The following ARHGAP32 variants were observed in gnomAD, a reference collection of about 807,000 sequenced individuals.
The protein encoded by ARHGAP32 is Rho GTPase activating protein 32.
A neutral mutation model predicts 186.5 loss-of-function variants in ARHGAP32; 51 were observed. The ratio of observed to expected loss-of-function variants is 0.27; its 90% CI spans 0.22 to 0.35. The LOEUF is 0.35. ARHGAP32 is among the 10% of genes least tolerant of loss of function. The pLI, the probability that ARHGAP32 is intolerant of heterozygous loss-of-function variation, is 1.00. For missense variants in ARHGAP32, 2,186 were observed against 2,623.5 expected (o/e 0.83, Z 3.64); for synonymous variants, 950 against 964.3 (o/e 0.99, Z 0.27).
At chr11:129,227,513 T>C (rs1944802275) in intron 1 of ARHGAP32, among the ~76,000 whole-genome samples, 1 of 150,994 alleles carries the variant, frequency 6.6e-6, no homozygotes, top group Non-Finnish European at 1.5e-5. Context: ...TCCAAATATA[T>C]GCTTTCTACA....
chr11:129,038,933 G>C (rs954223062), intron 11 of ARHGAP32, among the ~76,000 whole-genome samples: 1 of 148,458 alleles, frequency 6.7e-6, no homozygotes, highest in African/African-American at 2.5e-5. Flanking sequence ...ATAAGCAAAG[G>C]ATATGAATAG....
chr11:129,227,075 A>G (rs1944794640), intron 1 of ARHGAP32, among the ~76,000 whole-genome samples: 1 of 152,092 alleles, frequency 6.6e-6, no homozygotes, highest in South Asian at 2.1e-4. Context: ...TAACGGGTAC[A>G]TGATGTATAA....
chr11:129,266,560 G>A (rs1945403364), intron 1 of ARHGAP32, among the ~76,000 whole-genome samples: 1 of 152,114 alleles, frequency 6.6e-6, no homozygotes. Context: ...TGGCACACTG[G>A]TTAGGAAGCT....
At chr11:129,086,647 C>CCA (rs1941408958) in intron 6 of ARHGAP32, among the ~76,000 whole-genome samples, 2 of 152,038 alleles carry the variant, frequency 1.3e-5, no homozygotes, top group Admixed American at 6.5e-5. Flanking sequence ...CGGTGAAACC[C>CCA]TGTCTCTACT....
chr11:129,145,479 C>G (rs1373541051), intron 2 of ARHGAP32, among the ~76,000 whole-genome samples: 9 of 144,848 alleles, frequency 6.2e-5, no homozygotes, highest in Non-Finnish European at 1.2e-4. Flanking sequence ...CAAGTAAGAC[C>G]TAGAAGAACC....
intron 1 of ARHGAP32, among the ~76,000 whole-genome samples, chr11:129,165,482 C>T (rs968899985): frequency 6.7e-5 from 10 of 150,108 alleles, no homozygotes; most frequent in Non-Finnish European, 1.5e-4. Flanking sequence ...ATCAGAAGTA[C>T]GAGAAGAAAA....
chr11:129,268,084 T>G (rs142693979), intron 1 of ARHGAP32, among the ~76,000 whole-genome samples: 244 of 152,154 alleles, frequency 1.6e-3, no homozygotes, highest in Admixed American at 3.9e-3. Context: ...GGGTCAAATA[T>G]CCAAACCATA....
chr11:129,048,709 T>C (rs922226287), intron 10 of ARHGAP32, among the ~76,000 whole-genome samples: 2 of 152,214 alleles, frequency 1.3e-5, no homozygotes, highest in Non-Finnish European at 2.9e-5. Flanking sequence ...AATTGTTTAT[T>C]GTACAGCAAG....
chr11:129,196,071 G>A (rs754801845), upstream of ARHGAP32, among the ~76,000 whole-genome samples: 1 of 152,136 alleles, frequency 6.6e-6, no homozygotes, highest in Non-Finnish European at 1.5e-5. Flanking sequence ...CCAAGAGGTA[G>A]GGAACCTGAG....
At chr11:129,270,578 T>G (rs191471868) in intron 1 of ARHGAP32, among the ~76,000 whole-genome samples, 45 of 151,698 alleles carry the variant, frequency 3.0e-4, no homozygotes, top group African/African-American at 9.4e-4. Flanking sequence ...GATAATGATG[T>G]TTCAATGTAG....
At chr11:129,162,449 T>C (rs1297056619) in intron 2 of ARHGAP32, among the ~76,000 whole-genome samples, 2 of 152,306 alleles carry the variant, frequency 1.3e-5, no homozygotes, top group Admixed American at 6.5e-5. Context: ...AATATTGCTA[T>C]TGTTGTTGAG....
At chr11:129,265,892 AAAG>A (rs1209015316) in intron 1 of ARHGAP32, among the ~76,000 whole-genome samples, 17 of 152,212 alleles carry the variant, frequency 1.1e-4, no homozygotes, top group African/African-American at 3.9e-4. Context: ...ATACTAATCT[AAAG>A]AAGAGAGCTA....
chr11:128,981,248 TAC>T (rs1490267207), intron 17 of ARHGAP32, among the ~76,000 whole-genome samples, 166 bp downstream of exon 17: 2 of 152,232 alleles, frequency 1.3e-5, no homozygotes, highest in African/African-American at 4.8e-5. Flanking sequence ...ATTCACTATA[TAC>T]ACACAAAATA....
At chr11:129,066,669 C>A (rs751226485) in intron 7 of ARHGAP32, 62 bp downstream of exon 7, 5 of 1,514,556 alleles carry the variant, frequency 3.3e-6, no homozygotes, top group Admixed American at 3.9e-5. Flanking sequence ...AGTATACAGA[C>A]AAAAACTTCT....
intron 1 of ARHGAP32, among the ~76,000 whole-genome samples, chr11:129,246,028 A>G (rs1469458016): frequency 3.3e-5 from 5 of 152,252 alleles, no homozygotes; most frequent in African/African-American, 1.2e-4. Flanking sequence ...TATTCAATAG[A>G]TTAGCTATTC....
chr11:129,245,659 TA>T (rs1259802326), intron 1 of ARHGAP32, among the ~76,000 whole-genome samples: 1 of 282 alleles, frequency 3.5e-3, no homozygotes, highest in Non-Finnish European at 7.5e-3. Flanking sequence ...CAGATTAAAA[TA>T]ATAATAATAA....
At chr11:129,270,403 A>G (rs1183358390) in intron 1 of ARHGAP32, among the ~76,000 whole-genome samples, 1 of 152,180 alleles carries the variant, frequency 6.6e-6, no homozygotes, top group Non-Finnish European at 1.5e-5. Context: ...GATTTTCAGC[A>G]GAGTCAAACT....
intron 14 of ARHGAP32, 51 bp downstream of exon 14, chr11:128,986,473 A>C (rs1591502781): frequency 6.3e-7 from 1 of 1,595,234 alleles, no homozygotes; most frequent in Non-Finnish European, 8.6e-7. Flanking sequence ...TTTGAACAAA[A>C]GCACAGCAAA....
At chr11:129,168,157 G>A (rs1483997934) in intron 1 of ARHGAP32, among the ~76,000 whole-genome samples, 1 of 152,148 alleles carries the variant, frequency 6.6e-6, no homozygotes, top group Non-Finnish European at 1.5e-5. Flanking sequence ...GAGGTGAGAA[G>A]ATCACCTGAG....
Sources: allele counts gnomAD v4.1 joint callset (sites outside exome capture counted in the v4.1 genomes callset), GRCh38; gene constraint gnomAD v4.1.1; transcripts MANE v1.5; gene names NCBI Gene and HGNC (gene_info 2026-07-23, HGNC 2026-07-21).